The following SMCO4 variants were observed in gnomAD, a reference collection of about 807,000 sequenced individuals.
SMCO4 encodes the protein single-pass membrane and coiled-coil domain-containing protein 4.
A neutral mutation model predicts 3.6 loss-of-function variants in SMCO4; 4 were observed. The ratio of observed to expected loss-of-function variants is 1.11; its 90% CI spans 0.54 to 2.53. SMCO4 has a LOEUF of 2.53. SMCO4 is among the 30% of genes most tolerant of loss of function. The pLI, the probability that SMCO4 is intolerant of heterozygous loss-of-function variation, is 0.02. For synonymous variants in SMCO4, 36 were observed against 35.3 expected (o/e 1.02, Z -0.07); for missense variants, 70 against 80.8 (o/e 0.87, Z 0.51).
In SMCO4 at chr11:93,535,526, T is replaced by C. The variant is rs1210162683; in HGVS notation, c.-154+7750A>G. The C allele has an allele frequency of 6.8e-5, 95 of 1,405,282 alleles. No homozygotes were observed. The East Asian group carries it at 2.1e-3, about 31-fold the overall frequency. The allele number at this position is 1,405,282 out of a possible 1,614,324, so 87.1% of individuals were successfully genotyped here. ...GGAGCTGACCAGACTTTTCCAGAAG[T>C]GCTGGACATCAGGCAGCATCATATC... is the stretch of plus-strand genomic sequence containing the variant. On this transcript the variant is annotated intron_variant, in intron 1 of 2. Transcript: ENST00000298966.
At chr11:93,552,152 C>CTTT in the SMCO4 span, among the ~76,000 whole-genome samples, 315 of 108,976 alleles carry the variant, frequency 2.9e-3, 2 homozygotes, top group Middle Eastern at 6.3e-3. Context: ...CTCATCACTA[C>CTTT]TTTTTTTTTT....
intron 1 of SMCO4, among the ~76,000 whole-genome samples, chr11:93,502,034 G>T (rs566340092): frequency 3.3e-5 from 5 of 151,738 alleles, no homozygotes; most frequent in Non-Finnish European, 5.9e-5. Context: ...TGACCCAGGG[G>T]GCAAAGTACA....
chr11:93,550,559 C>T, the SMCO4 span, among the ~76,000 whole-genome samples: 5 of 152,142 alleles, frequency 3.3e-5, no homozygotes, highest in African/African-American at 1.2e-4. Flanking sequence ...CTGGTAGTCC[C>T]AGCTACTTGG....
intron 2 of SMCO4, among the ~76,000 whole-genome samples, chr11:93,482,407 A>C (rs968889294): frequency 1.2e-4 from 18 of 152,266 alleles, no homozygotes; most frequent in African/African-American, 4.3e-4. Flanking sequence ...AATATCAAGG[A>C]GGCAATTGGA....
chr11:93,492,012 A>G (rs1007992062), intron 2 of SMCO4, among the ~76,000 whole-genome samples: 3 of 152,274 alleles, frequency 2.0e-5, no homozygotes, highest in Admixed American at 6.5e-5. Flanking sequence ...TAAGTTAATT[A>G]CAGAGCCTGG....
chr11:93,519,999 A>T (rs1007690570), intron 1 of SMCO4, among the ~76,000 whole-genome samples: 3 of 152,232 alleles, frequency 2.0e-5, no homozygotes, highest in Non-Finnish European at 4.4e-5. Flanking sequence ...AATCAAGCAA[A>T]GAAAAGCAAA....
chr11:93,528,148 A>G (rs1949128405), intron 1 of SMCO4, among the ~76,000 whole-genome samples: 1 of 152,302 alleles, frequency 6.6e-6, no homozygotes, highest in South Asian at 2.1e-4. Context: ...ATGAAAATCC[A>G]GAGATGACCA....
chr11:93,499,270 G>A lies in SMCO4; in HGVS notation c.-81+6C>T, dbSNP rs1003899083. ...CAATGAGTTTCCCTTATAAGAGAATGTTTACCTTTTCTTCAACTTCAAGAA... is the reference window on the plus strand; with the variant it reads ...CAATGAGTTTCCCTTATAAGAGAATATTTACCTTTTCTTCAACTTCAAGAA... On this transcript the variant is annotated splice_donor_region_variant and intron_variant, in intron 2 of 2. Transcript: ENST00000298966. The A allele has an allele frequency of 1.3e-5, 2 of 152,186 alleles. No homozygotes were observed. The highest frequency in any genetic ancestry group is 4.8e-5 in the African/African-American group (2 of 41,444). 9.4% of individuals were successfully genotyped at this position (152,186 alleles called of 1,614,324 possible).
chr11:93,534,091 T>C (rs1461162044), intron 1 of SMCO4, among the ~76,000 whole-genome samples: 1 of 150,910 alleles, frequency 6.6e-6, no homozygotes. Context: ...CTAGGGAGGC[T>C]GAGGCAGGAG....
intron 1 of SMCO4, among the ~76,000 whole-genome samples, chr11:93,514,715 G>A (rs956906452): frequency 7.2e-5 from 11 of 151,988 alleles, no homozygotes; most frequent in Middle Eastern, 3.2e-3. Flanking sequence ...AAATGATTTC[G>A]GCATTCACAT....
chr11:93,552,354 G>A, the SMCO4 span, among the ~76,000 whole-genome samples: 1 of 150,672 alleles, frequency 6.6e-6, no homozygotes, highest in Non-Finnish European at 1.5e-5. Flanking sequence ...TGGCCAGGCT[G>A]GTTTCAAACT....
chr11:93,549,623 AT>A, the SMCO4 span, among the ~76,000 whole-genome samples: 4 of 90,678 alleles, frequency 4.4e-5, no homozygotes, highest in African/African-American at 1.2e-4. Flanking sequence ...TAATTTATTT[AT>A]TTTTTTTTTT....
intron 1 of SMCO4, among the ~76,000 whole-genome samples, chr11:93,541,468 C>G (rs1480995619): frequency 6.6e-6 from 1 of 152,196 alleles, no homozygotes; most frequent in Non-Finnish European, 1.5e-5. Flanking sequence ...CAGCATCAGT[C>G]AGACAGAAGG....
intron 1 of SMCO4, among the ~76,000 whole-genome samples, chr11:93,519,776 A>C (rs970027931): frequency 3.3e-5 from 5 of 152,268 alleles, no homozygotes; most frequent in Non-Finnish European, 7.3e-5. Flanking sequence ...TGGGTTGAGA[A>C]GTGTGACAGG....
upstream of SMCO4, among the ~76,000 whole-genome samples, chr11:93,546,063 G>T (rs756149821): frequency 1.3e-5 from 2 of 152,168 alleles, no homozygotes; most frequent in Admixed American, 1.3e-4. Context: ...ATAAAATGGT[G>T]GTTGTTTCAA....
chr11:93,542,798 T>G (rs909283203), intron 1 of SMCO4, among the ~76,000 whole-genome samples: 2 of 151,666 alleles, frequency 1.3e-5, no homozygotes, highest in East Asian at 3.9e-4. Flanking sequence ...GCCGGACTCT[T>G]GTCCACTCCC....
At chr11:93,502,208 T>G (rs910488937) in intron 1 of SMCO4, among the ~76,000 whole-genome samples, 2 of 152,126 alleles carry the variant, frequency 1.3e-5, no homozygotes, top group Non-Finnish European at 2.9e-5. Flanking sequence ...ACCTCCCTCA[T>G]CCCATCAAAT....
intron 2 of SMCO4, among the ~76,000 whole-genome samples, chr11:93,482,621 G>A (rs1195334758): frequency 3.9e-5 from 6 of 152,240 alleles, no homozygotes; most frequent in Admixed American, 2.0e-4. Context: ...ACGTGCTGTC[G>A]TGGGGACCAA....
At chr11:93,488,368 C>T (rs953242133) in intron 2 of SMCO4, among the ~76,000 whole-genome samples, 1 of 152,170 alleles carries the variant, frequency 6.6e-6, no homozygotes, top group African/African-American at 2.4e-5. Context: ...TAAAAGAACT[C>T]TGTGTGGACA....
Sources: gnomAD v4.1 joint callset for allele counts (sites outside exome capture counted in the v4.1 genomes callset) on GRCh38, gnomAD v4.1.1 for gene constraint, MANE v1.5 for transcripts, NCBI Gene and HGNC (gene_info 2026-07-23, HGNC 2026-07-21) for gene names.